The following ATP9A variants were observed in gnomAD, a reference collection of about 807,000 sequenced individuals.
ATP9A encodes ATPase phospholipid transporting 9A.
In ATP9A, 52 loss-of-function variants were observed where a neutral mutation model predicts 144.1. The observed-to-expected ratio is 0.36, with a 90% CI of 0.29 to 0.45. ATP9A has a LOEUF of 0.45. Among genes scored for constraint, ATP9A ranks in the 20% least tolerant of loss-of-function variants. The pLI is 1.00. For missense variants in ATP9A, 947 were observed against 1,392.7 expected (o/e 0.68, Z 5.09); for synonymous variants, 582 against 557.4 (o/e 1.04, Z -0.62).
chr20:51,727,398 C>T (rs2077719554), intron 2 of ATP9A, among the ~76,000 whole-genome samples: 1 of 151,778 alleles, frequency 6.6e-6, no homozygotes, highest in African/African-American at 2.4e-5. Flanking sequence ...CCAGCCATGG[C>T]AACATGGTAA....
rs112480861 is a variant in ATP9A, at chr20:51,690,995, G to A, written c.643-176C>T. 3.8e-3 allele frequency among the ~76,000 whole-genome samples: 579 copies of A among 152,246 alleles called. 4 individuals carry two copies. Among genetic ancestry groups the A allele is most frequent in the African/African-American group, 0.013 (553 of 41,546 alleles). On this transcript the variant is annotated intron_variant, in intron 7 of 27. Coordinates refer to ENST00000338821, the MANE Select transcript of ATP9A (RefSeq NM_006045.3). ...CCTCTGTTAAGTAAGTTGAGGAGTC[G>A]CAGCATACAGTATCTCAAAGCACCC...
At chr20:51,630,826 A>G (rs747512599) in intron 15 of ATP9A, among the ~76,000 whole-genome samples, 22 of 152,168 alleles carry the variant, frequency 1.4e-4, no homozygotes, top group Non-Finnish European at 3.1e-4. Context: ...GTCAACCTTG[A>G]TGTTATCGCA....
intron 14 of ATP9A, among the ~76,000 whole-genome samples, chr20:51,649,564 G>A (rs901012661): frequency 2.0e-5 from 3 of 152,156 alleles, no homozygotes; most frequent in African/African-American, 7.2e-5. Flanking sequence ...TGAAGTCAAT[G>A]GCCCTAGTCC....
intron 1 of ATP9A, among the ~76,000 whole-genome samples, chr20:51,737,329 G>A (rs574779214): frequency 8.5e-5 from 13 of 152,120 alleles, no homozygotes; most frequent in Non-Finnish European, 1.6e-4. Context: ...ATTCACCTTT[G>A]AGCCACTTAT....
chr20:51,638,021 C>T (rs1011203343), intron 15 of ATP9A, among the ~76,000 whole-genome samples: 2 of 134,996 alleles, frequency 1.5e-5, no homozygotes, highest in Non-Finnish European at 3.1e-5. Flanking sequence ...CAGTTTGCAG[C>T]GAATGCCATT....
At chr20:51,664,854 G>C (rs2077425858) in intron 13 of ATP9A, among the ~76,000 whole-genome samples, 1 of 151,278 alleles carries the variant, frequency 6.6e-6, no homozygotes, top group Non-Finnish European at 1.5e-5. Flanking sequence ...TGAGTAGCTG[G>C]GATTACAGGT....
At chr20:51,656,857 CT>C in intron 14 of ATP9A, 80 bp downstream of exon 14, 1 of 1,344,988 alleles carries the variant, frequency 7.4e-7, no homozygotes. Context: ...TGACACATTG[CT>C]TCCTTAGAAA....
At chr20:51,717,472 T>C (rs2077667356) in intron 3 of ATP9A, among the ~76,000 whole-genome samples, 1 of 152,020 alleles carries the variant, frequency 6.6e-6, no homozygotes, top group Non-Finnish European at 1.5e-5. Context: ...AACTTAGCCA[T>C]CACAGGAAAA....
At chr20:51,757,981 T>C (rs1796965351) in intron 1 of ATP9A, among the ~76,000 whole-genome samples, 1 of 152,204 alleles carries the variant, frequency 6.6e-6, no homozygotes, top group Admixed American at 6.5e-5. Context: ...ACATTATGTG[T>C]TTAGACTGCG....
At chr20:51,633,442 T>C (rs2077277865) in intron 15 of ATP9A, among the ~76,000 whole-genome samples, 1 of 152,094 alleles carries the variant, frequency 6.6e-6, no homozygotes. Context: ...GGTCTTTTGT[T>C]GGGTGAAAAT....
chr20:51,691,310 T>C (rs749827922), intron 7 of ATP9A, among the ~76,000 whole-genome samples: 1 of 151,876 alleles, frequency 6.6e-6, no homozygotes, highest in Admixed American at 6.6e-5. Context: ...CTACTAAAAA[T>C]ACAAAAAAAT....
chr20:51,696,475 C>A (rs1158700976), intron 5 of ATP9A, among the ~76,000 whole-genome samples: 1 of 152,182 alleles, frequency 6.6e-6, no homozygotes, highest in Non-Finnish European at 1.5e-5. Context: ...CTCTTCCAGG[C>A]TGTCTGCTGA....
chr20:51,681,427 C>CTTTTT (rs66579534), intron 9 of ATP9A, among the ~76,000 whole-genome samples: 29,211 of 131,092 alleles, frequency 0.22, 3,972 homozygotes, highest in Non-Finnish European at 0.29. Context: ...TCCTAAATTT[C>CTTTTT]TTTTTTTTTT....
At chr20:51,608,379 G>T in intron 25 of ATP9A, 139 bp downstream of exon 25, 1 of 636,466 alleles carries the variant, frequency 1.6e-6, no homozygotes, top group African/African-American at 1.8e-5. Flanking sequence ...AAGTAAAAAA[G>T]CTACCAGTTC....
chr20:51,742,578 G>A (rs1051067288), intron 1 of ATP9A, among the ~76,000 whole-genome samples: 9 of 151,804 alleles, frequency 5.9e-5, no homozygotes, highest in African/African-American at 1.9e-4. Context: ...GCAGTGGCGC[G>A]ATCTCAGCTC....
In ATP9A at chr20:51,744,006, CA is replaced by C. The variant is rs1359225214; in HGVS notation, c.69-14029del. On this transcript the variant is annotated intron_variant, in intron 1 of 27. Transcript: ENST00000338821. ...TTGGTGACAGAGTAAGACTCCATCT[CA>C]AAAAAAAAAAAGTTATTTTTCCAGA... 3.9e-3 allele frequency among the ~76,000 whole-genome samples: 519 copies of C among 133,192 alleles called. 2 individuals are homozygous for C. The highest frequency in any genetic ancestry group is 0.012 in the African/African-American group (440 of 36,548). The allele number at this position is 133,192 out of a possible 152,430, so 87.4% of individuals were successfully genotyped here.
chr20:51,668,105 A>G (rs1388226745), intron 13 of ATP9A, among the ~76,000 whole-genome samples: 10 of 5,402 alleles, frequency 1.9e-3, no homozygotes, highest in Admixed American at 3.5e-3. Context: ...GGGGGGGCGG[A>G]AGGGCTGGGA....
At chr20:51,761,287 C>G (rs2077879216) in intron 1 of ATP9A, among the ~76,000 whole-genome samples, 1 of 152,224 alleles carries the variant, frequency 6.6e-6, no homozygotes, top group African/African-American at 2.4e-5. Context: ...GACATAAGCT[C>G]TATGCTCTCA....
At chr20:51,641,863 C>T (rs988139782) in intron 14 of ATP9A, among the ~76,000 whole-genome samples, 6 of 131,252 alleles carry the variant, frequency 4.6e-5, no homozygotes, top group Non-Finnish European at 8.4e-5. Flanking sequence ...AAAAACACTT[C>T]CAGTGGAGGT....
Sources: allele counts gnomAD v4.1 joint callset (sites outside exome capture counted in the v4.1 genomes callset), GRCh38; gene constraint gnomAD v4.1.1; transcripts MANE v1.5; gene names NCBI Gene and HGNC (gene_info 2026-07-23, HGNC 2026-07-21).